Variants in DOCK7 observed in about 807,000 individuals in gnomAD.
DOCK7 encodes dedicator of cytokinesis protein 7.
Under a neutral mutation model 271.0 loss-of-function variants are expected in DOCK7, and 138 were observed. That is an observed-to-expected ratio of 0.51 (90% confidence interval 0.44 to 0.59). The LOEUF is 0.59. Among genes scored for constraint, DOCK7 ranks in the 20% least tolerant of loss-of-function variants. The pLI, the probability that DOCK7 is intolerant of heterozygous loss-of-function variation, is 0.00. For missense variants in DOCK7, 2,066 were observed against 2,592.4 expected, an observed-to-expected ratio of 0.80 and a Z score of 4.41; for synonymous variants, 823 against 876.1, an observed-to-expected ratio of 0.94 and a Z score of 1.07.
chr1:62,471,521 C>T (rs989650167), intron 48 of DOCK7, among the ~76,000 whole-genome samples: 5 of 152,236 alleles, frequency 3.3e-5, no homozygotes, highest in Middle Eastern at 3.4e-3. Context: ...GCCAACCAAA[C>T]ATAACCAGGC....
chr1:62,620,766 C>T (rs1049556293), intron 12 of DOCK7, among the ~76,000 whole-genome samples: 3 of 151,538 alleles, frequency 2.0e-5, no homozygotes, highest in Non-Finnish European at 4.4e-5. Context: ...CGCCTGCAGT[C>T]CCAGCTACTC....
At chr1:62,477,277 C>T (rs569434376) in intron 44 of DOCK7, among the ~76,000 whole-genome samples, 192 of 152,224 alleles carry the variant, frequency 1.3e-3, no homozygotes, top group African/African-American at 4.5e-3. Flanking sequence ...CAGGCTTTTA[C>T]GTTCTAAAGA....
chr1:62,649,538 G>A (rs1171960918), intron 4 of DOCK7, among the ~76,000 whole-genome samples: 1 of 152,166 alleles, frequency 6.6e-6, no homozygotes, highest in African/African-American at 2.4e-5. Context: ...TTGTAAAGCT[G>A]CATACGTAAG....
At chr1:62,610,901 T>G (rs1557799212) in intron 14 of DOCK7, among the ~76,000 whole-genome samples, 1 of 152,224 alleles carries the variant, frequency 6.6e-6, no homozygotes, top group Admixed American at 6.5e-5. Context: ...TTTGTTATTG[T>G]GAATAGTGCT....
chr1:62,641,251 C>G (rs1655986388), intron 7 of DOCK7: 1 of 413,652 alleles, frequency 2.4e-6, no homozygotes, highest in Non-Finnish European at 4.8e-6. Context: ...TCTTCTTTCT[C>G]TTCTTCTCCA....
At chr1:62,540,897 C>T (rs887552634) in intron 25 of DOCK7, among the ~76,000 whole-genome samples, 7 of 151,836 alleles carry the variant, frequency 4.6e-5, no homozygotes, top group Admixed American at 2.6e-4. Flanking sequence ...ACATGAATTA[C>T]GAATTTAAGG....
chr1:62,502,946 C>A (rs1646827987), intron 37 of DOCK7, among the ~76,000 whole-genome samples: 1 of 151,866 alleles, frequency 6.6e-6, no homozygotes, highest in Non-Finnish European at 1.5e-5. Flanking sequence ...AAAGAACAGG[C>A]AAAGGCAATT....
At chr1:62,597,434 A>T in intron 14 of DOCK7, 1 of 889,154 alleles carries the variant, frequency 1.1e-6, no homozygotes, top group Non-Finnish European at 1.7e-6. Flanking sequence ...AACACGGCTT[A>T]ATGATTAACT....
At position 62,625,389 on chromosome 1, in the gene DOCK7, G is replaced by C. The variant is rs1367512193; in HGVS notation, c.1295C>G (p.Ser432Cys). 8.7e-6 allele frequency: 14 copies of C among 1,600,510 alleles called. No homozygotes were observed. The highest frequency in any genetic ancestry group is 1.1e-5 in the Non-Finnish European group (13 of 1,175,352). ...VEISTGERKG[S>C]WSERRNSSIV... ...ACTAGAATTCCTCCTCTCTGACCAA[G>C]ACCCTTTTCGTTCTACAAAAGAATT... is the stretch of plus-strand genomic sequence containing the variant. The change falls in exon 12 of 50, where the codon TCT becomes TGT. Residue 432 changes from serine to cysteine, a missense_variant. This residue lies in a region of DOCK7 where 1,414 missense variants were observed against 1,670.4 expected (regional missense o/e 0.85). Transcript: ENST00000635253.
chr1:62,494,845 GATTAA>G (rs1239347330), intron 39 of DOCK7: 4 of 160,272 alleles, frequency 2.5e-5, no homozygotes, highest in Admixed American at 6.4e-5. Flanking sequence ...ATTTCAAAGA[GATTAA>G]ATTGTTTTAT....
chr1:62,676,792 A>G (rs1398540958), intron 1 of DOCK7, among the ~76,000 whole-genome samples: 1 of 152,244 alleles, frequency 6.6e-6, no homozygotes, highest in Non-Finnish European at 1.5e-5. Flanking sequence ...AACCAGGAAC[A>G]GCCCATGATG....
rs573699114 is a variant in DOCK7 at position 62,518,523 on chromosome 1, G to A, written c.3937-4625C>T. On this transcript the variant is annotated intron_variant, in intron 31 of 49. Coordinates refer to ENST00000635253, the MANE Select transcript of DOCK7 (RefSeq NM_001367561.1). ...CAGGAGGCAGAGCTTGCAGTGAGCC[G>A]AGATTGCGCCACTGCACTCCAGCCT... 4.6e-5 allele frequency among the ~76,000 whole-genome samples: 7 copies of A among 150,690 alleles called. No individual in the cohort carries two copies. In the East Asian group the frequency reaches 1.2e-3, roughly 25 times the overall value.
intron 11 of DOCK7, among the ~76,000 whole-genome samples, chr1:62,630,792 A>G (rs1038682996): frequency 2.6e-5 from 4 of 152,168 alleles, no homozygotes; most frequent in Admixed American, 1.3e-4. Context: ...TTATATCTTA[A>G]TAATGGTGTT....
intron 28 of DOCK7, among the ~76,000 whole-genome samples, chr1:62,536,897 C>T (rs1159411832): frequency 6.6e-6 from 1 of 152,160 alleles, no homozygotes; most frequent in Admixed American, 6.5e-5. Flanking sequence ...CTCTTCATCT[C>T]AATTTATAAA....
At chr1:62,512,792 T>G (rs1644527158) in intron 33 of DOCK7, among the ~76,000 whole-genome samples, 1 of 150,460 alleles carries the variant, frequency 6.6e-6, no homozygotes, top group South Asian at 2.1e-4. Flanking sequence ...GCTACCAGGG[T>G]AGGTGTGTAT....
At position 62,519,893 on chromosome 1, in the gene DOCK7, A is replaced by G. The variant is rs185729868; in HGVS notation, c.3937-5995T>C. 5.5e-4 allele frequency among the ~76,000 whole-genome samples: 84 copies of G among 152,334 alleles called. 2 individuals are homozygous for G. Among genetic ancestry groups the G allele is most frequent in the African/African-American group, 1.9e-3 (77 of 41,582 alleles). Reference sequence around the variant, plus strand: ...AGTAACCAAAACAGCAGGTACTGGTACCAAAACAGATACATAGACCAAGGG... The same window carrying G: ...AGTAACCAAAACAGCAGGTACTGGTGCCAAAACAGATACATAGACCAAGGG... On this transcript the variant is annotated intron_variant, in intron 31 of 49. Transcript: ENST00000635253.
At chr1:62,486,109 T>C (rs974822846) in intron 43 of DOCK7, 4 of 152,152 alleles carry the variant, frequency 2.6e-5, no homozygotes, top group African/African-American at 7.2e-5. Context: ...TAAGGAGTTT[T>C]ATCATTCATA....
intron 29 of DOCK7, among the ~76,000 whole-genome samples, chr1:62,532,926 T>C (rs1645223366): frequency 6.6e-6 from 1 of 152,134 alleles, no homozygotes; most frequent in East Asian, 1.9e-4. Flanking sequence ...AGAACCTATA[T>C]ATGGCAACTA....
In DOCK7 at chr1:62,542,794, T is replaced by C. The variant is rs1645579235; in HGVS notation, c.2950-91A>G. The stretch of plus-strand genomic sequence containing the variant: ...AATGCAAATACAAACGAAGATATAA[T>C]GAGAATAAGCAAAATAAGGCACGTG... On this transcript the variant is annotated intron_variant, in intron 24 of 49. Transcript: ENST00000635253. The C allele has an allele frequency of 3.2e-6, 4 of 1,253,538 alleles. No individual in the cohort carries two copies. In the East Asian group the frequency reaches 9.6e-5, roughly 30 times the overall value. The allele number at this position is 1,253,538 out of a possible 1,614,324, so 77.7% of individuals were successfully genotyped here. A position where few individuals can be genotyped will look rare whatever the true frequency, so the allele number is the denominator to read the frequency against.
Sources: allele counts gnomAD v4.1 joint callset (sites outside exome capture counted in the v4.1 genomes callset), GRCh38; gene constraint gnomAD v4.1.1; regional missense constraint gnomAD v4.1.1; transcripts MANE v1.5; gene names NCBI Gene and HGNC (gene_info 2026-07-23, HGNC 2026-07-21).